The following JCAD variants were observed in gnomAD, a reference collection of about 807,000 sequenced individuals.
JCAD encodes the protein junctional cadherin 5 associated.
A neutral mutation model predicts 98.0 loss-of-function variants in JCAD; 40 were observed. That is an observed-to-expected ratio of 0.41 (90% CI 0.32 to 0.53). The LOEUF (loss-of-function observed/expected upper bound fraction) is 0.53, where lower values mean the gene tolerates loss of function less well. Ranked by LOEUF, JCAD falls within the 20% of genes least tolerant of loss-of-function variation. The probability of loss-of-function intolerance (pLI) is 0.31; values close to 1 mark genes in which losing one functional copy is unlikely to be tolerated. For synonymous variants in JCAD, 691 were observed against 682.3 expected (o/e 1.01, Z -0.20); for missense variants, 1,705 against 1,738.1 (o/e 0.98, Z 0.34).
chr10:30,038,133 A>G (rs1189191191), intron 2 of JCAD, among the ~76,000 whole-genome samples: 1 of 152,106 alleles, frequency 6.6e-6, no homozygotes, highest in Non-Finnish European at 1.5e-5. Context: ...CTAGTAAAGA[A>G]CTTTTATACA....
chr10:30,097,598 T>G (rs917398046), intron 1 of JCAD, among the ~76,000 whole-genome samples: 1 of 151,934 alleles, frequency 6.6e-6, no homozygotes, highest in Non-Finnish European at 1.5e-5. Context: ...AAATACAAAA[T>G]TAGCCAGGCG....
chr10:30,084,965 C>G (rs952210744), intron 1 of JCAD, among the ~76,000 whole-genome samples: 1 of 152,140 alleles, frequency 6.6e-6, no homozygotes, highest in Non-Finnish European at 1.5e-5. Context: ...ATCGTAGTCA[C>G]TCGATCTAAG....
chr10:30,073,915 G>C (rs1274994075), intron 1 of JCAD, among the ~76,000 whole-genome samples: 1 of 152,122 alleles, frequency 6.6e-6, no homozygotes, highest in Non-Finnish European at 1.5e-5. Context: ...AACCCAGATA[G>C]CACAAGACTG....
chr10:30,113,992 T>A (rs756477932), intron 1 of JCAD, among the ~76,000 whole-genome samples: 7 of 152,212 alleles, frequency 4.6e-5, no homozygotes, highest in Non-Finnish European at 7.3e-5. Context: ...CATTAAAGAT[T>A]TGAGCATTGT....
At chr10:30,046,292 T>A (rs1307267444) in intron 2 of JCAD, among the ~76,000 whole-genome samples, 3 of 152,142 alleles carry the variant, frequency 2.0e-5, no homozygotes, top group Non-Finnish European at 4.4e-5. Context: ...CCTGGCTCTG[T>A]GGCAAGCTGC....
upstream of JCAD, among the ~76,000 whole-genome samples, chr10:30,063,364 T>G (rs61841129): frequency 0.02 from 2,974 of 152,116 alleles, 41 homozygotes; most frequent in Non-Finnish European, 0.033. Context: ...TGGGCAGATG[T>G]GCAGTAACCA....
intron 1 of JCAD, among the ~76,000 whole-genome samples, chr10:30,086,063 G>A (rs183634617): frequency 6.6e-6 from 1 of 151,932 alleles, no homozygotes; most frequent in East Asian, 1.9e-4. Flanking sequence ...ACTTTTGTCA[G>A]CATTAAACTA....
intron 1 of JCAD, among the ~76,000 whole-genome samples, chr10:30,057,023 C>T (rs1837584625): frequency 6.6e-6 from 1 of 152,184 alleles, no homozygotes; most frequent in African/African-American, 2.4e-5. Context: ...GGAGGAAAAA[C>T]AACATCTGTT....
rs1836491471 is a variant in JCAD, at chr10:30,014,425, T to C, written c.*3458A>G. On this transcript the variant is annotated 3_prime_UTR_variant, in exon 4 of 4. Coordinates refer to ENST00000375377, the MANE Select transcript of JCAD (RefSeq NM_020848.4). ...GGAAATGTTTCTCTAAGCTCAAATA[T>C]GGATAGAAAGACAATTCTGCTGCAC... 6.6e-6 allele frequency: 1 copy of C among 152,188 alleles called. No individual in the cohort carries two copies. Among genetic ancestry groups the C allele is most frequent in the African/African-American group, 2.4e-5 (1 of 41,434 alleles). 9.4% of individuals were successfully genotyped at this position (152,188 alleles called of 1,614,324 possible).
Position 30,028,181 on chromosome 10 carries a change from T to C in JCAD, c.1967A>G (p.Glu656Gly). The stretch of plus-strand genomic sequence containing the variant: ...GAGGTCATTTGTTTGTCTGTCTTCT[T>C]CTGGTTCCCCTAGATCTTGTTTTTG... ...EFQKQDLGEPEEDRQTNDLSF... is the reference protein window; with the variant it reads ...EFQKQDLGEPGEDRQTNDLSF... The change falls in exon 3 of 4, where the codon GAA (glutamate) becomes GGA (glycine). Residue 656 changes from glutamate (E) to glycine (G), a missense_variant. Transcript: ENST00000375377. The C allele has an allele frequency of 3.1e-6, 5 of 1,614,230 alleles. No homozygotes were observed. Among genetic ancestry groups the C allele is most frequent in the Non-Finnish European group, 4.2e-6 (5 of 1,180,040 alleles).
intron 2 of JCAD, among the ~76,000 whole-genome samples, 164 bp downstream of exon 2, chr10:30,047,368 C>G (rs1283273435): frequency 6.6e-6 from 1 of 152,218 alleles, no homozygotes; most frequent in Non-Finnish European, 1.5e-5. Context: ...GACTCCGTCT[C>G]AAAAACAAAA....
intron 1 of JCAD, among the ~76,000 whole-genome samples, chr10:30,090,436 G>A (rs1400052726): frequency 2.0e-5 from 3 of 152,098 alleles, no homozygotes; most frequent in Admixed American, 1.3e-4. Flanking sequence ...CAGCTACTTG[G>A]AAGGCTGAGG....
At chr10:30,048,205 C>T (rs1452171862) in intron 1 of JCAD, among the ~76,000 whole-genome samples, 1 of 152,146 alleles carries the variant, frequency 6.6e-6, no homozygotes, top group East Asian at 1.9e-4. Flanking sequence ...CACTCACCTA[C>T]AAACAGCAGG....
chr10:30,064,985 C>T (rs533109177), intron 2 of JCAD, among the ~76,000 whole-genome samples: 35 of 152,230 alleles, frequency 2.3e-4, no homozygotes, highest in Non-Finnish European at 3.8e-4. Flanking sequence ...CCCACATTCT[C>T]GATAAAACCT....
intron 1 of JCAD, among the ~76,000 whole-genome samples, chr10:30,073,362 T>A (rs1374151189): frequency 1.3e-5 from 2 of 152,222 alleles, no homozygotes; most frequent in Non-Finnish European, 2.9e-5. Context: ...CAACATTCTA[T>A]GAGCATTAGC....
Position 30,047,769 on chromosome 10 carries a change from A to G in JCAD, c.44T>C (p.Leu15Pro), listed in dbSNP as rs202030577. The G allele has an allele frequency of 6.2e-7, 1 of 1,614,076 alleles. No homozygotes were observed. The highest frequency in any genetic ancestry group is 1.7e-5 in the Admixed American group (1 of 60,014). ...EDLLISHGYK[L>P]SRDPPASRED... is the part of the protein sequence containing the mutation. ...GCGTGATGCTGGGGGGTCTCTTGAC[A>G]GCTTGTATCCATGAGAGATCAGGAG... The change falls in exon 2 of 4, where the codon CTG (leucine) becomes CCG (proline). Residue 15 changes from leucine (L) to proline (P), a missense_variant. Physicochemically the swap from Leu to Pro is moderately conservative, Grantham distance 98. This residue lies in a region of JCAD where 152 missense variants were observed against 148.0 expected (regional missense o/e 1.03). Coordinates refer to ENST00000375377, the MANE Select transcript of JCAD (RefSeq NM_020848.4).
In JCAD at chr10:30,026,351, C is replaced by T; in HGVS notation, c.3797G>A (p.Ser1266Asn). 6.2e-7 allele frequency: 1 copy of T among 1,614,206 alleles called. No homozygotes were observed. Among genetic ancestry groups the T allele is most frequent in the Non-Finnish European group, 8.5e-7 (1 of 1,180,028 alleles). The change falls in exon 3 of 4, where the codon AGC (serine) becomes AAC (asparagine). Residue 1266 changes from serine (S) to asparagine (N), a missense_variant. Ser to Asn is a conservative substitution (Grantham distance 46). Around this residue, in one of 3 missense-constraint regions of JCAD, gnomAD observed 1,278 missense variants for 1,243.1 expected, o/e 1.03. Transcript: ENST00000375377. The stretch of plus-strand genomic sequence containing the variant: ...CAGGACTCTCATCCGTGACACTGAG[C>T]TCACCTCTTTCATTCTCATCAGGCG... ...PDRLMRMKEV[S>N]SVSRMRVLSF... is the part of the protein sequence containing the mutation.
chr10:30,046,250 C>G (rs1342164128), intron 2 of JCAD, among the ~76,000 whole-genome samples: 1 of 152,112 alleles, frequency 6.6e-6, no homozygotes, highest in Non-Finnish European at 1.5e-5. Context: ...GTGGAAACCG[C>G]CTGGGAGAGG....
At chr10:30,024,966 A>T (rs1056625357) in intron 3 of JCAD, among the ~76,000 whole-genome samples, 1 of 151,892 alleles carries the variant, frequency 6.6e-6, no homozygotes, top group African/African-American at 2.4e-5. Context: ...AAGTGTTGGG[A>T]TTACAGGCTT....
Sources: gnomAD v4.1 joint callset for allele counts (sites outside exome capture counted in the v4.1 genomes callset) on GRCh38, gnomAD v4.1.1 for gene constraint, gnomAD v4.1.1 regional missense constraint, MANE v1.5 for transcripts, NCBI Gene and HGNC (gene_info 2026-07-23, HGNC 2026-07-21) for gene names.